The following RTTN variants were observed in gnomAD, a reference collection of about 807,000 sequenced individuals.
RTTN encodes rotatin.
RTTN carries 182 observed loss-of-function variants against 269.2 expected under a neutral mutation model. That is an observed-to-expected ratio of 0.68 (90% confidence interval 0.60 to 0.76). RTTN has a LOEUF of 0.76. RTTN is among the 30% of genes least tolerant of loss of function. The probability of loss-of-function intolerance (pLI) is 0.00; values close to 1 mark genes in which losing one functional copy is unlikely to be tolerated. For missense variants in RTTN, 2,545 were observed against 2,608.6 expected (o/e 0.98, Z 0.53); for synonymous variants, 1,006 against 963.5 (o/e 1.04, Z -0.82).
At chr18:70,202,985 A>G (rs1282721060) in intron 3 of RTTN, among the ~76,000 whole-genome samples, 2 of 140,950 alleles carry the variant, frequency 1.4e-5, no homozygotes, top group African/African-American at 5.3e-5. Flanking sequence ...TTTTTTTTTT[A>G]CTTTTACTAC....
intron 8 of RTTN, 174 bp downstream of exon 8, chr18:70,193,114 T>A (rs886825206): frequency 5.3e-5 from 30 of 568,666 alleles, no homozygotes; most frequent in Middle Eastern, 3.6e-4. Context: ...TTACCGTGGA[T>A]CATGGTCAAA....
At chr18:70,035,387 A>G (rs2144665880) in intron 40 of RTTN, among the ~76,000 whole-genome samples, 1 of 152,360 alleles carries the variant, frequency 6.6e-6, no homozygotes, top group South Asian at 2.1e-4. Context: ...AACAGAATAC[A>G]GAGCCTAGAA....
At chr18:70,011,021 T>C (rs532013283) in intron 46 of RTTN, among the ~76,000 whole-genome samples, 198 of 152,140 alleles carry the variant, frequency 1.3e-3, no homozygotes, top group Non-Finnish European at 2.3e-3. Flanking sequence ...ACATACACCC[T>C]CCCAAGACTA....
rs117774280 is a variant in RTTN at position 70,127,547 on chromosome 18, C to G, written c.3338G>C (p.Cys1113Ser). The G allele has an allele frequency of 3.7e-6, 6 of 1,613,552 alleles. No homozygotes were observed. Among genetic ancestry groups the G allele is most frequent in the Non-Finnish European group, 5.1e-6 (6 of 1,179,716 alleles). The change falls in exon 25 of 49, where the codon TGT becomes TCT. Residue 1113 changes from cysteine to serine, a missense_variant. Physicochemically the swap from Cys to Ser is moderately radical, Grantham distance 112. Transcript: ENST00000640769. ...RLSLKGCPGP[C>S]GVTLKSLAWH... ...AGCCAAGGACTTCAAGGTAACCCCA[C>G]ATGGACCAGGGCAACCCTTTAAAGA...
At chr18:70,023,513 A>C (rs2056765932) in intron 44 of RTTN, among the ~76,000 whole-genome samples, 1 of 152,140 alleles carries the variant, frequency 6.6e-6, no homozygotes, top group East Asian at 1.9e-4. Context: ...TGCTTCTTTT[A>C]AATCTTCCCC....
chr18:70,054,089 G>T (rs1388411149), intron 38 of RTTN, 42 bp downstream of exon 38: 2 of 1,530,306 alleles, frequency 1.3e-6, no homozygotes, highest in Admixed American at 1.8e-5. Context: ...TTTTTCCTCA[G>T]TATTATTCAC....
At chr18:70,021,628 GA>G (rs1183852120) in intron 44 of RTTN, among the ~76,000 whole-genome samples, 1 of 152,132 alleles carries the variant, frequency 6.6e-6, no homozygotes, top group African/African-American at 2.4e-5. Flanking sequence ...CAGACCTAAG[GA>G]ATGGAGAAAG....
chr18:70,075,965 A>G (rs1190947923), intron 32 of RTTN, among the ~76,000 whole-genome samples: 1 of 152,096 alleles, frequency 6.6e-6, no homozygotes, highest in African/African-American at 2.4e-5. Context: ...TATACCTATC[A>G]CTAAGCCAGG....
chr18:70,173,151 G>A (rs759701692), intron 11 of RTTN, among the ~76,000 whole-genome samples: 16 of 152,108 alleles, frequency 1.1e-4, no homozygotes, highest in South Asian at 2.1e-4. Context: ...TGTTTTATCC[G>A]TTTTCCTGGA....
chr18:70,100,119 A>G (rs2059119164), intron 28 of RTTN, among the ~76,000 whole-genome samples: 1 of 152,246 alleles, frequency 6.6e-6, no homozygotes, highest in Non-Finnish European at 1.5e-5. Flanking sequence ...CTGTGAAGAA[A>G]GTCATTGGTA....
rs374070891 is a variant in RTTN at position 70,074,012 on chromosome 18, T to C, written c.4565-18A>G. On this transcript the variant is annotated intron_variant, in intron 33 of 48. Transcript: ENST00000640769. The stretch of plus-strand genomic sequence containing the variant: ...ATCTAAACCTGCAACAACGAGAAAA[T>C]TGTTAACATGGACACCCTCCTAGGA... 7.1e-6 allele frequency: 11 copies of C among 1,541,060 alleles called. No homozygotes were observed. Among genetic ancestry groups the C allele is most frequent in the African/African-American group, 6.8e-5 (5 of 73,242 alleles).
chr18:70,157,963 C>A (rs1266136162), intron 14 of RTTN, among the ~76,000 whole-genome samples: 2 of 151,050 alleles, frequency 1.3e-5, no homozygotes, highest in African/African-American at 4.9e-5. Context: ...ACAAAACGAA[C>A]CTAACACCCA....
intron 46 of RTTN, among the ~76,000 whole-genome samples, chr18:70,013,118 A>C (rs902838013): frequency 1.3e-5 from 2 of 152,154 alleles, no homozygotes; most frequent in African/African-American, 4.8e-5. Flanking sequence ...TAACCTACCC[A>C]GAACCAAGCC....
At chr18:70,018,909 T>G (rs1183745289) in intron 45 of RTTN, among the ~76,000 whole-genome samples, 3 of 145,930 alleles carry the variant, frequency 2.1e-5, no homozygotes, top group Non-Finnish European at 4.5e-5. Flanking sequence ...TATGTAGAGA[T>G]GTATACCATG....
In RTTN at chr18:70,004,420, C is replaced by T. The variant is rs10871658; in HGVS notation, c.6596-184G>A. Among the ~76,000 whole-genome samples the T allele has an allele frequency of 0.85, 129,391 of 152,126 alleles. 58,012 individuals carry two copies. The highest frequency in any genetic ancestry group is 1 in the East Asian group (5,180 of 5,182). ...TTAAAAAATAAACAAGTTACAAAATCAATATTTTTTTAAATTAACAGCTTA... is the reference window on the plus strand; with the variant it reads ...TTAAAAAATAAACAAGTTACAAAATTAATATTTTTTTAAATTAACAGCTTA... On this transcript the variant is annotated intron_variant, in intron 48 of 48. Transcript: ENST00000640769.
intron 25 of RTTN, among the ~76,000 whole-genome samples, chr18:70,126,442 T>C (rs2059866899): frequency 6.6e-6 from 1 of 152,126 alleles, no homozygotes; most frequent in Non-Finnish European, 1.5e-5. Flanking sequence ...TCAATTTCCA[T>C]GGTGTAAATA....
At chr18:70,060,958 T>C (rs2057966021) in intron 35 of RTTN, among the ~76,000 whole-genome samples, 1 of 147,370 alleles carries the variant, frequency 6.8e-6, no homozygotes, top group Non-Finnish European at 1.5e-5. Context: ...TAATATTTCA[T>C]TGTGTACATA....
chr18:70,149,456 C>T (rs532735816), intron 16 of RTTN, among the ~76,000 whole-genome samples: 2 of 150,276 alleles, frequency 1.3e-5, no homozygotes, highest in East Asian at 2.0e-4. Flanking sequence ...GAGGACTGTG[C>T]TTATGATGGC....
intron 40 of RTTN, among the ~76,000 whole-genome samples, chr18:70,042,295 C>T (rs141938338): frequency 1.3e-4 from 18 of 142,770 alleles, no homozygotes; most frequent in South Asian, 2.2e-4. Context: ...TTTTAGAATA[C>T]GAGAAAAAAT....
Sources: allele counts gnomAD v4.1 joint callset (sites outside exome capture counted in the v4.1 genomes callset), GRCh38; gene constraint gnomAD v4.1.1; transcripts MANE v1.5; gene names NCBI Gene and HGNC (gene_info 2026-07-23, HGNC 2026-07-21).